CSMD3: variants seen among roughly 807,000 people sequenced by gnomAD.
The protein encoded by CSMD3 is CUB and sushi domain-containing protein 3.
A neutral mutation model predicts 435.2 loss-of-function variants in CSMD3; 177 were observed. The observed-to-expected ratio is 0.41, with a 90% CI of 0.36 to 0.46. The LOEUF (loss-of-function observed/expected upper bound fraction) is 0.46. Among genes scored for constraint, CSMD3 ranks in the 20% least tolerant of loss-of-function variants. The pLI is 0.34. For synonymous variants in CSMD3, 1,656 were observed against 1,520.5 expected, an observed-to-expected ratio of 1.09 and a Z score of -2.07; for missense variants, 4,265 against 4,504.6, an observed-to-expected ratio of 0.95 and a Z score of 1.52.
chr8:113,140,309 G>T (rs961731473), intron 4 of CSMD3, among the ~76,000 whole-genome samples: 2 of 150,358 alleles, frequency 1.3e-5, no homozygotes, highest in Non-Finnish European at 3.0e-5. Context: ...CACAATTATC[G>T]TTGGGAGTTT....
chr8:113,065,959 T>C (rs977868741), intron 5 of CSMD3, among the ~76,000 whole-genome samples: 5 of 151,652 alleles, frequency 3.3e-5, no homozygotes, highest in Non-Finnish European at 7.4e-5. Flanking sequence ...TATTGCTCCA[T>C]ATTATATACC....
chr8:113,190,660 T>C (rs770912848), intron 3 of CSMD3, among the ~76,000 whole-genome samples: 14 of 150,606 alleles, frequency 9.3e-5, no homozygotes, highest in Non-Finnish European at 1.0e-4. Context: ...TATTTCCTTA[T>C]GGTGGAAAAG....
chr8:112,311,188 T>A (rs1343282688), intron 49 of CSMD3, 22 bp from the exon 50 acceptor site: 1 of 1,563,608 alleles, frequency 6.4e-7, no homozygotes, highest in African/African-American at 1.4e-5. Context: ...AAAAAAAAAA[T>A]GCTGTTTAAT....
chr8:112,682,013 A>T (rs2075908325), intron 16 of CSMD3, among the ~76,000 whole-genome samples: 1 of 152,154 alleles, frequency 6.6e-6, no homozygotes, highest in Admixed American at 6.6e-5. Context: ...ATTTTAAATA[A>T]ATGGGTGTTT....
At chr8:113,030,036 A>C (rs2131231367) in intron 5 of CSMD3, among the ~76,000 whole-genome samples, 1 of 151,584 alleles carries the variant, frequency 6.6e-6, no homozygotes, top group East Asian at 1.9e-4. Context: ...TAGCTGCAAA[A>C]AATAAAATAA....
chr8:112,590,728 ATT>A (rs67750271), intron 22 of CSMD3, among the ~76,000 whole-genome samples: 1 of 151,804 alleles, frequency 6.6e-6, no homozygotes, highest in Non-Finnish European at 1.5e-5. Context: ...CATTTATAAA[ATT>A]TTTTGAGATT....
intron 1 of CSMD3, among the ~76,000 whole-genome samples, chr8:113,341,425 T>C (rs2094117967): frequency 1.3e-5 from 2 of 152,024 alleles, no homozygotes; most frequent in Admixed American, 1.3e-4. Context: ...AACCAATTGA[T>C]AGAGTAATCA....
At chr8:113,429,207 A>C (rs933557398) in intron 1 of CSMD3, among the ~76,000 whole-genome samples, 2 of 150,922 alleles carry the variant, frequency 1.3e-5, no homozygotes, top group African/African-American at 4.8e-5. Flanking sequence ...AAAATGTATT[A>C]TTGTTTCTTA....
At chr8:112,699,875 C>G (rs2076350002) in intron 13 of CSMD3, among the ~76,000 whole-genome samples, 2 of 151,992 alleles carry the variant, frequency 1.3e-5, no homozygotes, top group Non-Finnish European at 2.9e-5. Context: ...GGAACTCATC[C>G]AGATTGAAGG....
chr8:113,212,648 A>G (rs1485218544), intron 3 of CSMD3, among the ~76,000 whole-genome samples: 1 of 151,962 alleles, frequency 6.6e-6, no homozygotes, highest in Admixed American at 6.6e-5. Context: ...ACAAAAAACC[A>G]AACACCGCAT....
In CSMD3 at chr8:112,352,992, C is replaced by T. The variant is rs533946730; in HGVS notation, c.6137-458G>A. Among the ~76,000 whole-genome samples, 83 of 152,148 alleles carry T rather than the reference C, an allele frequency of 5.5e-4. 1 individual carries two copies. The highest frequency in any genetic ancestry group is 1.8e-3 in the African/African-American group (74 of 41,514). Reference sequence around the variant, plus strand: ...AACTCTTTCTTCTTTTATTCTGAATCGGCTTTTAAATTTATGAGGTACATT... The same window carrying T: ...AACTCTTTCTTCTTTTATTCTGAATTGGCTTTTAAATTTATGAGGTACATT... On this transcript the variant is annotated intron_variant, in intron 38 of 70. Coordinates refer to ENST00000297405, the MANE Select transcript of CSMD3 (RefSeq NM_198123.2).
chr8:112,268,354 A>C (rs1169649264), intron 59 of CSMD3, among the ~76,000 whole-genome samples: 1 of 152,368 alleles, frequency 6.6e-6, no homozygotes, highest in Non-Finnish European at 1.5e-5. Flanking sequence ...GGCATCATTT[A>C]TGATAAATCT....
At chr8:112,413,264 A>G (rs1462210705) in intron 32 of CSMD3, among the ~76,000 whole-genome samples, 1 of 152,190 alleles carries the variant, frequency 6.6e-6, no homozygotes, top group Non-Finnish European at 1.5e-5. Flanking sequence ...TAGACAAAGC[A>G]AGCTTTATTT....
At chr8:112,820,631 T>A (rs2132431875) in intron 12 of CSMD3, among the ~76,000 whole-genome samples, 1 of 151,038 alleles carries the variant, frequency 6.6e-6, no homozygotes, top group East Asian at 2.0e-4. Context: ...GGTTGTGGAA[T>A]GAGGCCTTAA....
intron 4 of CSMD3, among the ~76,000 whole-genome samples, chr8:113,115,633 A>G (rs1365513174): frequency 2.6e-5 from 4 of 152,164 alleles, no homozygotes; most frequent in Non-Finnish European, 5.9e-5. Flanking sequence ...ATTATAGTTT[A>G]TTAATTTTCA....
At chr8:112,367,441 A>G (rs1172469940) in intron 38 of CSMD3, among the ~76,000 whole-genome samples, 1 of 152,206 alleles carries the variant, frequency 6.6e-6, no homozygotes, top group Admixed American at 6.5e-5. Flanking sequence ...CCAATTAATT[A>G]AAGCAAAACT....
intron 11 of CSMD3, among the ~76,000 whole-genome samples, chr8:112,849,124 G>A (rs2080411989): frequency 6.6e-6 from 1 of 151,960 alleles, no homozygotes; most frequent in African/African-American, 2.4e-5. Flanking sequence ...CTTCTACTAA[G>A]CTAGCGAGAG....
intron 21 of CSMD3, among the ~76,000 whole-genome samples, chr8:112,637,283 T>C (rs1195829717): frequency 3.9e-5 from 6 of 152,214 alleles, no homozygotes; most frequent in East Asian, 1.9e-4. Context: ...ATTTATCTTA[T>C]TGTTTTTTCT....
chr8:113,223,292 C>G (rs2092990912), intron 3 of CSMD3, among the ~76,000 whole-genome samples: 1 of 150,328 alleles, frequency 6.7e-6, no homozygotes, highest in Non-Finnish European at 1.5e-5. Flanking sequence ...TAATTTTAAT[C>G]TAGCATAATT....
Sources: gnomAD v4.1 joint callset for allele counts (sites outside exome capture counted in the v4.1 genomes callset) on GRCh38, gnomAD v4.1.1 for gene constraint, MANE v1.5 for transcripts, NCBI Gene and HGNC (gene_info 2026-07-23, HGNC 2026-07-21) for gene names.